The following ZNF599 variants were observed in gnomAD, a reference collection of about 807,000 sequenced individuals.
The protein encoded by ZNF599 is zinc finger protein 599.
A neutral mutation model predicts 11.7 loss-of-function variants in ZNF599; 10 were observed. The observed-to-expected ratio is 0.86, with a 90% CI of 0.53 to 1.45. The LOEUF (loss-of-function observed/expected upper bound fraction) is 1.45. ZNF599 is among the 40% of genes most tolerant of loss of function. ZNF599 has a pLI of 0.00. For missense variants in ZNF599, 688 were observed against 713.6 expected (o/e 0.96, Z 0.41); for synonymous variants, 232 against 253.2 (o/e 0.92, Z 0.79).
At chr19:34,786,797 G>A in the ZNF599 span, among the ~76,000 whole-genome samples, 2 of 152,126 alleles carry the variant, frequency 1.3e-5, no homozygotes, top group Non-Finnish European at 2.9e-5. Context: ...TTGCTAATAG[G>A]AGACTCATTC....
chr19:34,785,047 C>T, the ZNF599 span, among the ~76,000 whole-genome samples: 18 of 149,850 alleles, frequency 1.2e-4, no homozygotes, highest in Non-Finnish European at 2.4e-4. Context: ...TCAGGGGCCC[C>T]TGGACCGTCA....
At chr19:34,773,220 T>C (rs1291082990), upstream of ZNF599, 2 of 249,128 alleles carry the variant, frequency 8.0e-6, no homozygotes, top group Non-Finnish European at 1.5e-5. Context: ...ACGCCGGAAG[T>C]CCCGCCCACG....
the ZNF599 span, among the ~76,000 whole-genome samples, chr19:34,787,334 G>A: frequency 2.0e-5 from 3 of 152,040 alleles, no homozygotes; most frequent in Non-Finnish European, 4.4e-5. Flanking sequence ...GGTCATTTGG[G>A]ATATCTGTCA....
Position 34,759,369 on chromosome 19 carries a change from G to A in ZNF599, c.1432C>T (p.Pro478Ser), listed in dbSNP as rs1174670359. 7 of 1,613,950 alleles carry A rather than the reference G, an allele frequency of 4.3e-6. No homozygotes were observed. Among genetic ancestry groups the A allele is most frequent in the African/African-American group, 1.3e-5 (1 of 74,868 alleles). ...TTTGCACATTCTTTGCACTCCAAGGGTTTTTGTCCACTGTGGGTCCTATTA... is the reference window on the plus strand; with the variant it reads ...TTTGCACATTCTTTGCACTCCAAGGATTTTTGTCCACTGTGGGTCCTATTA... ...RHNRTHSGQK[P>S]LECKECAKAF... Residue 478 changes from proline to serine, a missense_variant, in exon 4 of 4, where the codon CCC becomes TCC. Transcript: ENST00000329285.
rs774721525 is a variant in ZNF599 at position 34,759,472 on chromosome 19, C to T, written c.1329G>A (p.Arg443=). 3.7e-6 allele frequency: 6 copies of T among 1,613,986 alleles called. No homozygotes were observed. Among genetic ancestry groups the T allele is most frequent in the Middle Eastern group, 3.3e-4 (2 of 6,084 alleles). Residue 443 remains arginine, a synonymous_variant, in exon 4 of 4, where the codon AGG becomes AGA. Coordinates refer to ENST00000329285, the MANE Select transcript of ZNF599 (RefSeq NM_001007248.3). Reference sequence around the variant, plus strand: ...CATAAGGCTTCTCACCAGTGTGAATCCTCATATGTTGAATTAAGGAAGAGC... The same window carrying T: ...CATAAGGCTTCTCACCAGTGTGAATTCTCATATGTTGAATTAAGGAAGAGC... ...CDSSSLIQHM[R]IHTGEKPYEC... is the part of the protein sequence containing the mutation.
the ZNF599 span, among the ~76,000 whole-genome samples, chr19:34,783,724 C>T: frequency 1.9e-3 from 287 of 152,308 alleles, no homozygotes; most frequent in African/African-American, 6.5e-3. Flanking sequence ...CGCCATCTCC[C>T]AGTGTCAGCA....
intron 3 of ZNF599, among the ~76,000 whole-genome samples, chr19:34,762,029 G>T (rs1007446962): frequency 1.3e-5 from 2 of 152,182 alleles, no homozygotes; most frequent in African/African-American, 4.8e-5. Context: ...TTCACAAGAT[G>T]AAGAGAAGAC....
chr19:34,789,945 T>C, the ZNF599 span, among the ~76,000 whole-genome samples: 1 of 152,238 alleles, frequency 6.6e-6, no homozygotes, highest in East Asian at 1.9e-4. Flanking sequence ...TCATGGAGCA[T>C]GTCCTCTACA....
rs1439225023 is a variant in ZNF599 at position 34,760,263 on chromosome 19, C to G, written c.538G>C (p.Glu180Gln). 3 of 1,614,092 alleles carry G rather than the reference C, an allele frequency of 1.9e-6. No individual in the cohort carries two copies. Among genetic ancestry groups the G allele is most frequent in the African/African-American group, 2.7e-5 (2 of 74,926 alleles). ...TTTCCTGGTCCTTGAGAGTCACACT[C>G]ATGGAGAGCATCTTGTGGAGTGACT... ...ERVTPQDALH[E>Q]CDSQGPGKDP... Residue 180 changes from glutamate (E) to glutamine (Q), a missense_variant, in exon 4 of 4, where the codon GAG becomes CAG. Transcript: ENST00000329285.
chr19:34,769,436 G>C lies in ZNF599; in HGVS notation c.138C>G (p.Val46=), dbSNP rs372915534. The part of the protein sequence containing the change: ...EVMLETCRLL[V]SLGHPVPKPE... Reference sequence around the variant, plus strand: ...AGGGTAATGAGGTCTTACCCAGTGAGACCAGGAGCCTGCAGGTCTCCAGCA... The same window carrying C: ...AGGGTAATGAGGTCTTACCCAGTGACACCAGGAGCCTGCAGGTCTCCAGCA... The change falls in exon 2 of 4, where the codon GTC becomes GTG. Residue 46 remains valine, a synonymous_variant. Coordinates refer to ENST00000329285, the MANE Select transcript of ZNF599 (RefSeq NM_001007248.3). 218 of 1,614,174 alleles carry C rather than the reference G, an allele frequency of 1.4e-4. No homozygotes were observed. The highest frequency in any genetic ancestry group is 4.9e-4 in the Middle Eastern group (3 of 6,062).
the ZNF599 span, among the ~76,000 whole-genome samples, chr19:34,790,222 T>C: frequency 6.6e-6 from 1 of 152,188 alleles, no homozygotes; most frequent in Admixed American, 6.5e-5. Flanking sequence ...CACAAAAGGC[T>C]TTCTGACATG....
rs954996596 is a variant in ZNF599, at chr19:34,758,759, A to G, written c.*275T>C. 1.6e-5 allele frequency: 5 copies of G among 314,152 alleles called. No homozygotes were observed. The highest frequency in any genetic ancestry group is 2.9e-5 in the Non-Finnish European group (5 of 171,528). 19.5% of individuals were successfully genotyped at this position (314,152 alleles called of 1,614,324 possible). Reference sequence around the variant, plus strand: ...CTGACATTTTACCTAAATGCATGTTAACCACCAGGTCTCTCCCCTCGATTA... The same window carrying G: ...CTGACATTTTACCTAAATGCATGTTGACCACCAGGTCTCTCCCCTCGATTA... On this transcript the variant is annotated 3_prime_UTR_variant, in exon 4 of 4. Coordinates refer to ENST00000329285, the MANE Select transcript of ZNF599 (RefSeq NM_001007248.3).
At chr19:34,776,548 AT>A (rs2069217426), upstream of ZNF599, among the ~76,000 whole-genome samples, 1 of 152,218 alleles carries the variant, frequency 6.6e-6, no homozygotes. Context: ...GGCTGTTTCT[AT>A]TGAATAATTC....
chr19:34,793,801 A>G, the ZNF599 span, among the ~76,000 whole-genome samples: 1 of 152,330 alleles, frequency 6.6e-6, no homozygotes, highest in East Asian at 1.9e-4. Flanking sequence ...CTGGCTAGCT[A>G]TATTTATGGC....
the ZNF599 span, among the ~76,000 whole-genome samples, chr19:34,803,730 C>T: frequency 6.6e-6 from 1 of 152,190 alleles, no homozygotes; most frequent in African/African-American, 2.4e-5. Flanking sequence ...CGCAGGGCCC[C>T]ACCCCTTCTT....
the ZNF599 span, among the ~76,000 whole-genome samples, chr19:34,806,689 C>T: frequency 6.6e-6 from 1 of 152,104 alleles, no homozygotes; most frequent in Non-Finnish European, 1.5e-5. Flanking sequence ...CTGAAAACAC[C>T]TCCAGATCAT....
chr19:34,799,343 T>G, the ZNF599 span, among the ~76,000 whole-genome samples: 1 of 152,214 alleles, frequency 6.6e-6, no homozygotes, highest in East Asian at 1.9e-4. Context: ...TTCTTTCACT[T>G]AGCAATATGT....
chr19:34,785,426 C>A, the ZNF599 span, among the ~76,000 whole-genome samples: 1 of 152,168 alleles, frequency 6.6e-6, no homozygotes, highest in Admixed American at 6.5e-5. Context: ...GTAAGATCAC[C>A]TCTCTGCTCT....
In ZNF599 at chr19:34,760,102, C is replaced by T. The variant is rs2069101719; in HGVS notation, c.699G>A (p.Gly233=). 1 of 1,613,990 alleles carries T rather than the reference C, an allele frequency of 6.2e-7. No individual in the cohort carries two copies. Among genetic ancestry groups the T allele is most frequent in the South Asian group, 1.1e-5 (1 of 91,076 alleles). The change falls in exon 4 of 4, where the codon GGG becomes GGA. Residue 233 remains glycine (G), a synonymous_variant. Coordinates refer to ENST00000329285, the MANE Select transcript of ZNF599 (RefSeq NM_001007248.3). ...GVKPYECNEC[G]KACRYMADVI... ...CATCAGCCATATAACGACAGGCTTTCCCACACTCATTGCACTCATAGGGCT... is the reference window on the plus strand; with the variant it reads ...CATCAGCCATATAACGACAGGCTTTTCCACACTCATTGCACTCATAGGGCT...
Sources: allele counts gnomAD v4.1 joint callset (sites outside exome capture counted in the v4.1 genomes callset), GRCh38; gene constraint gnomAD v4.1.1; transcripts MANE v1.5; gene names NCBI Gene and HGNC (gene_info 2026-07-23, HGNC 2026-07-21).